The following NKD2 variants were observed in gnomAD, a reference collection of about 807,000 sequenced individuals.
The protein encoded by NKD2 is protein naked cuticle homolog 2.
In NKD2, 43 loss-of-function variants were observed where a neutral mutation model predicts 34.8. The ratio of observed to expected loss-of-function variants is 1.24; its 90% CI spans 0.97 to 1.60. The LOEUF is 1.60. NKD2 is among the 40% of genes most tolerant of loss of function. NKD2 has a pLI of 0.00. For missense variants in NKD2, 675 were observed against 627.1 expected (o/e 1.08, Z -0.82); for synonymous variants, 278 against 265.1 (o/e 1.05, Z -0.47).
intron 3 of NKD2, among the ~76,000 whole-genome samples, chr5:1,027,104 G>A (rs1756448553): frequency 6.6e-6 from 1 of 152,242 alleles, no homozygotes; most frequent in Admixed American, 6.5e-5. Flanking sequence ...GGGCCCCCTG[G>A]GCACAGCTCG....
intron 3 of NKD2, among the ~76,000 whole-genome samples, chr5:1,031,545 G>T (rs375490067): frequency 7.4e-6 from 1 of 134,600 alleles, no homozygotes; most frequent in Non-Finnish European, 1.6e-5. Context: ...CCACCACTGC[G>T]CAAGGCCCCT....
Position 1,032,188 on chromosome 5 carries a change from C to T in NKD2, c.178C>T (p.Arg60Trp), listed in dbSNP as rs769975355. The change falls in exon 4 of 10, where the codon CGG becomes TGG. Residue 60 changes from arginine to tryptophan, a missense_variant. Coordinates refer to ENST00000296849, the MANE Select transcript of NKD2 (RefSeq NM_033120.4). ...TGGGGACCCCAAGGAGGGGCCTTTC[C>T]GGGAGGACCAGTGTCCCCTACAGGG... is the stretch of plus-strand genomic sequence containing the variant. Reference protein sequence around the residue: ...PNGDPKEGPFREDQCPLQVAL... With the variant: ...PNGDPKEGPFWEDQCPLQVAL... 1.1e-5 allele frequency: 18 copies of T among 1,609,960 alleles called. No individual in the cohort carries two copies. The highest frequency in any genetic ancestry group is 2.2e-5 in the South Asian group (2 of 90,818).
intron 3 of NKD2, among the ~76,000 whole-genome samples, chr5:1,012,759 G>T (rs1251649039): frequency 6.6e-6 from 1 of 152,000 alleles, no homozygotes; most frequent in Non-Finnish European, 1.5e-5. Flanking sequence ...CAGAGGCAGG[G>T]GTGGGGCTGC....
In NKD2 at chr5:1,034,921, A is replaced by G; in HGVS notation, c.574+18A>G. The G allele has an allele frequency of 1.3e-6, 2 of 1,596,048 alleles. No homozygotes were observed. Among genetic ancestry groups the G allele is most frequent in the South Asian group, 1.1e-5 (1 of 88,678 alleles). ...TGGCCAGGGTGAGTGAGGCCTGGGCACACACAGAGGACCCTACCCAACATT... is the reference window on the plus strand; with the variant it reads ...TGGCCAGGGTGAGTGAGGCCTGGGCGCACACAGAGGACCCTACCCAACATT... On this transcript the variant is annotated intron_variant, in intron 7 of 9. Coordinates refer to ENST00000296849, the MANE Select transcript of NKD2 (RefSeq NM_033120.4).
intron 9 of NKD2, chr5:1,036,941 C>T (rs1733996000): frequency 2.8e-6 from 1 of 356,082 alleles, no homozygotes; most frequent in African/African-American, 2.6e-5. Context: ...GTGTGGATGG[C>T]AGGCGGGCAG....
Position 1,038,502 on chromosome 5 carries a change from G to A in NKD2, c.*129G>A. ...CACCCCCCACCTCCGACAGCAAACAGCAACTGACTGCAGGTGCTGGCATGA... is the reference window on the plus strand; with the variant it reads ...CACCCCCCACCTCCGACAGCAAACAACAACTGACTGCAGGTGCTGGCATGA... On this transcript the variant is annotated 3_prime_UTR_variant, in exon 10 of 10. Transcript: ENST00000296849. This position sits in a 1 kb window ranked among gnomAD's most constrained non-coding sequence, Gnocchi z 4.5. 1 of 1,515,966 alleles carries A rather than the reference G, an allele frequency of 6.6e-7. No individual in the cohort carries two copies. The highest frequency in any genetic ancestry group is 1.2e-5 in the South Asian group (1 of 83,434). 93.9% of individuals were successfully genotyped at this position (1,515,966 alleles called of 1,614,324 possible). A position where few individuals can be genotyped will look rare whatever the true frequency, so the allele number is the denominator to read the frequency against.
In NKD2 at chr5:1,009,338, G is replaced by T. The variant is rs1251169828; in HGVS notation, c.61+124G>T. The T allele has an allele frequency of 1.7e-6, 1 of 591,748 alleles. No homozygotes were observed. The highest frequency in any genetic ancestry group is 2.7e-6 in the Non-Finnish European group (1 of 365,896). 36.7% of individuals were successfully genotyped at this position (591,748 alleles called of 1,614,324 possible). A position where few individuals can be genotyped will look rare whatever the true frequency, so the allele number is the denominator to read the frequency against. ...GGGGGGACGGGGCCGCGGGTCTCCAGGAGCGCGCGGGACCCCCACGCCTGC... is the reference window on the plus strand; with the variant it reads ...GGGGGGACGGGGCCGCGGGTCTCCATGAGCGCGCGGGACCCCCACGCCTGC... On this transcript the variant is annotated intron_variant, in intron 2 of 9. Coordinates refer to ENST00000296849, the MANE Select transcript of NKD2 (RefSeq NM_033120.4). The surrounding 1 kb of genome is among the most constrained non-coding windows in gnomAD (Gnocchi z 6.9).
intron 6 of NKD2, 61 bp downstream of exon 6, chr5:1,034,391 T>C (rs1733718412): frequency 7.1e-7 from 1 of 1,400,546 alleles, no homozygotes; most frequent in Non-Finnish European, 1.0e-6. Flanking sequence ...AGACAGACTG[T>C]GCTGGCCTCG....
chr5:1,018,760 T>C (rs1486743467), intron 3 of NKD2, among the ~76,000 whole-genome samples: 2 of 152,116 alleles, frequency 1.3e-5, no homozygotes, highest in African/African-American at 4.8e-5. Flanking sequence ...TGGAGGCATC[T>C]TGTGTATGAG....
intron 3 of NKD2, among the ~76,000 whole-genome samples, chr5:1,021,771 G>A (rs1457323641): frequency 1.3e-5 from 2 of 152,028 alleles, no homozygotes; most frequent in East Asian, 1.9e-4. Flanking sequence ...TTCCGCAGAC[G>A]CCGGTGGCAG....
Position 1,032,673 on chromosome 5 carries a change from G to A in NKD2, c.202+461G>A, listed in dbSNP as rs188200226. ...TTGGCTTACCTGTGGGTCTGTGGGA[G>A]GGTGCTGGGAGGCCAGCAAGCAGGG... On this transcript the variant is annotated intron_variant, in intron 4 of 9. Transcript: ENST00000296849. Among the ~76,000 whole-genome samples the A allele has an allele frequency of 6.7e-4, 102 of 152,348 alleles. 6 individuals carry two copies. The highest frequency in any genetic ancestry group is 5.9e-3 in the Admixed American group (90 of 15,314).
Position 1,038,612 on chromosome 5 carries a change from T to C in NKD2, c.*239T>C. 1 of 768,140 alleles carries C rather than the reference T, an allele frequency of 1.3e-6. No individual in the cohort carries two copies. 47.6% of individuals were successfully genotyped at this position (768,140 alleles called of 1,614,324 possible). ...TCGATGCCACATGGCGGTGAACACA[T>C]CTGAAGCCACTATGTTTCCTGGCTC... On this transcript the variant is annotated 3_prime_UTR_variant, in exon 10 of 10. Transcript: ENST00000296849. This position sits in a 1 kb window ranked among gnomAD's most constrained non-coding sequence, Gnocchi z 4.5.
rs1756314461 is a variant in NKD2, at chr5:1,024,365, CATT to C, written c.142-7786_142-7784del. On this transcript the variant is annotated intron_variant, in intron 3 of 9. Coordinates refer to ENST00000296849, the MANE Select transcript of NKD2 (RefSeq NM_033120.4). ...CCCACCCTCTGTGGGCGTCTCAGCC[CATT>C]GTCCCTGCTCTTCCCACCCGCTGTG... 3.6e-4 allele frequency among the ~76,000 whole-genome samples: 2 copies of C among 5,568 alleles called. 1 individual carries two copies. Among genetic ancestry groups the C allele is most frequent in the Admixed American group, 7.9e-3 (2 of 254 alleles). 3.7% of individuals were successfully genotyped at this position (5,568 alleles called of 152,430 possible).
chr5:1,019,003 A>C (rs1166352262), intron 3 of NKD2, among the ~76,000 whole-genome samples: 1 of 152,182 alleles, frequency 6.6e-6, no homozygotes, highest in Non-Finnish European at 1.5e-5. Flanking sequence ...TGGGAGACTC[A>C]GAGCCCTGTT....
intron 3 of NKD2, among the ~76,000 whole-genome samples, chr5:1,021,380 C>G (rs1269158497): frequency 8.1e-6 from 1 of 122,950 alleles, no homozygotes; most frequent in Non-Finnish European, 1.7e-5. Context: ...ACCCACCCAC[C>G]CACCCACCCA....
Position 1,009,689 on chromosome 5 carries a change from CG to C in NKD2, c.141+134del, listed in dbSNP as rs59466728. The C allele has an allele frequency of 2.2e-5, 16 of 721,560 alleles. No individual in the cohort carries two copies. The highest frequency in any genetic ancestry group is 2.1e-4 in the African/African-American group (11 of 52,280). The allele number at this position is 721,560 out of a possible 1,614,324, so 44.7% of individuals were successfully genotyped here. ...GGGCCGCCATGGCCGCACGAGTGAC[CG>C]GGGGCCAGGAGAGCCAGTCTCTCCC... On this transcript the variant is annotated intron_variant, in intron 3 of 9. Transcript: ENST00000296849. This position sits in a 1 kb window ranked among gnomAD's most constrained non-coding sequence, Gnocchi z 6.9.
At chr5:1,016,199 G>A (rs1365700886) in intron 3 of NKD2, among the ~76,000 whole-genome samples, 1 of 152,252 alleles carries the variant, frequency 6.6e-6, no homozygotes, top group Non-Finnish European at 1.5e-5. Context: ...GGACTGCGAA[G>A]CCTGGACCTG....
At chr5:1,018,456 C>T (rs1355014194) in intron 3 of NKD2, among the ~76,000 whole-genome samples, 1 of 152,224 alleles carries the variant, frequency 6.6e-6, no homozygotes, top group East Asian at 1.9e-4. Flanking sequence ...CGGACATGGG[C>T]CTGGGGAAGG....
At chr5:1,022,173 G>A (rs1560988766) in intron 3 of NKD2, among the ~76,000 whole-genome samples, 1 of 151,972 alleles carries the variant, frequency 6.6e-6, no homozygotes, top group Non-Finnish European at 1.5e-5. Context: ...CCCACCTGCT[G>A]TGGGTGTCCC....
Sources: allele counts gnomAD v4.1 joint callset (sites outside exome capture counted in the v4.1 genomes callset), GRCh38; gene constraint gnomAD v4.1.1; non-coding constraint Gnocchi (gnomAD v3.1); transcripts MANE v1.5; gene names NCBI Gene and HGNC (gene_info 2026-07-23, HGNC 2026-07-21).